Variants in ERI1 observed in about 807,000 individuals in gnomAD.
The protein encoded by ERI1 is 3'-5' exoribonuclease 1.
A neutral mutation model predicts 39.7 loss-of-function variants in ERI1; 39 were observed. That is an observed-to-expected ratio of 0.98 (90% CI 0.76 to 1.28). The LOEUF (loss-of-function observed/expected upper bound fraction) is 1.28. Ranked by LOEUF, ERI1 falls within the 50% of genes most tolerant of loss-of-function variation. ERI1 has a pLI of 0.00. For synonymous variants in ERI1, 204 were observed against 149.6 expected (o/e 1.36, Z -2.65); for missense variants, 581 against 416.9 (o/e 1.39, Z -3.43).
At chr8:9,004,485 C>CTTTTTTTTTTTTTTT (rs71201904) in intron 1 of ERI1, among the ~76,000 whole-genome samples, 24 of 78,304 alleles carry the variant, frequency 3.1e-4, no homozygotes, top group African/African-American at 1.1e-3. Flanking sequence ...TATAGTGATA[C>CTTTTTTTTTTTTTTT]TTTTTTTTTT....
chr8:9,026,477 A>G (rs1285688062), intron 6 of ERI1, among the ~76,000 whole-genome samples: 2 of 152,192 alleles, frequency 1.3e-5, no homozygotes, highest in Non-Finnish European at 2.9e-5. Flanking sequence ...GTGGAGGCGT[A>G]CAGTATTTGA....
chr8:9,006,561 T>A (rs1487857220), intron 1 of ERI1, among the ~76,000 whole-genome samples: 2 of 152,230 alleles, frequency 1.3e-5, no homozygotes, highest in Non-Finnish European at 2.9e-5. Context: ...AGTTTCAAAT[T>A]CAATGTAAAT....
chr8:9,037,976 T>A (rs1169468564), downstream of ERI1, among the ~76,000 whole-genome samples: 6 of 152,056 alleles, frequency 3.9e-5, no homozygotes, highest in Admixed American at 2.6e-4. Context: ...TGAGCACTGA[T>A]TTTTCAAACT....
intron 6 of ERI1, among the ~76,000 whole-genome samples, chr8:9,022,504 G>C (rs572489593): frequency 1.6e-4 from 24 of 152,082 alleles, no homozygotes; most frequent in Non-Finnish European, 2.8e-4. Flanking sequence ...GGTTCAAGCA[G>C]TTCTCCTGTC....
downstream of ERI1, among the ~76,000 whole-genome samples, chr8:9,037,415 C>G (rs888312235): frequency 2.0e-5 from 3 of 151,286 alleles, no homozygotes; most frequent in African/African-American, 7.3e-5. Flanking sequence ...GGCAACAACT[C>G]CCTCTATTTG....
intron 3 of ERI1, among the ~76,000 whole-genome samples, chr8:9,041,617 T>G (rs1366165811): frequency 1.3e-5 from 2 of 152,194 alleles, no homozygotes; most frequent in African/African-American, 4.8e-5. Flanking sequence ...AGAATGAGAT[T>G]TAAAACTTCC....
In ERI1 at chr8:9,020,226, T is replaced by C; in HGVS notation, c.693-124T>C. 6 of 508,976 alleles carry C rather than the reference T, an allele frequency of 1.2e-5. 1 individual carries two copies. In the South Asian group the frequency reaches 2.5e-4, roughly 21 times the overall value. The allele number at this position is 508,976 out of a possible 1,614,324, so 31.5% of individuals were successfully genotyped here. On this transcript the variant is annotated intron_variant, in intron 5 of 6. Transcript: ENST00000250263. ...TTTGTAGGAAGCAAGGTTAATTTTC[T>C]CAGCTTGATGTTACATTTGAATATG...
chr8:9,003,455 G>C (rs1482805382), intron 1 of ERI1, among the ~76,000 whole-genome samples: 1 of 152,196 alleles, frequency 6.6e-6, no homozygotes, highest in Non-Finnish European at 1.5e-5. Context: ...ACTTAATTCT[G>C]TGTTCACGGT....
At chr8:9,090,030 T>G (rs1241494146) in intron 3 of ERI1, among the ~76,000 whole-genome samples, 1 of 152,188 alleles carries the variant, frequency 6.6e-6, no homozygotes, top group East Asian at 1.9e-4. Flanking sequence ...TGCATTTTTT[T>G]GGATTGTCAT....
At chr8:9,067,356 T>G in intron 3 of ERI1, among the ~76,000 whole-genome samples, 1 of 150,426 alleles carries the variant, frequency 6.6e-6, no homozygotes, top group Admixed American at 6.7e-5. Flanking sequence ...AAGGTCATGA[T>G]GGGATTTCAT....
At chr8:9,025,673 C>G in intron 6 of ERI1, among the ~76,000 whole-genome samples, 1 of 150,864 alleles carries the variant, frequency 6.6e-6, no homozygotes, top group East Asian at 2.0e-4. Flanking sequence ...TGGGCACTCT[C>G]TAGGACTTTT....
intron 6 of ERI1, 114 bp from the exon 7 acceptor site, chr8:9,029,678 A>T: frequency 1.6e-6 from 2 of 1,289,188 alleles, no homozygotes; most frequent in East Asian, 2.4e-5. Context: ...CCCTTTGCCT[A>T]GCTTTATTTA....
At chr8:9,089,801 C>T (rs527514083) in intron 3 of ERI1, among the ~76,000 whole-genome samples, 4 of 152,226 alleles carry the variant, frequency 2.6e-5, no homozygotes, top group Non-Finnish European at 4.4e-5. Context: ...TGGCAGAGTC[C>T]GCTTAGCTTT....
intron 3 of ERI1, among the ~76,000 whole-genome samples, chr8:9,012,437 G>A (rs1021324522): frequency 1.3e-5 from 2 of 152,188 alleles, no homozygotes; most frequent in African/African-American, 2.4e-5. Flanking sequence ...AGTCACTTCT[G>A]TGATATCCTC....
chr8:9,090,264 AG>A (rs1480808016), intron 3 of ERI1, among the ~76,000 whole-genome samples: 1 of 151,186 alleles, frequency 6.6e-6, no homozygotes, highest in Non-Finnish European at 1.5e-5. Context: ...CCGACAGAGA[AG>A]GGGTGTGGTG....
At chr8:9,075,517 A>G (rs73662291) in intron 3 of ERI1, among the ~76,000 whole-genome samples, 4,214 of 144,772 alleles carry the variant, frequency 0.029, 167 homozygotes, top group South Asian at 0.1. Context: ...CTTTATTTTC[A>G]TTATGAACAC....
chr8:9,021,287 T>C (rs954428890), intron 6 of ERI1, among the ~76,000 whole-genome samples: 1 of 152,238 alleles, frequency 6.6e-6, no homozygotes, highest in Non-Finnish European at 1.5e-5. Context: ...TTTTTTCATC[T>C]GTTTTTCCCT....
At chr8:9,026,013 A>G (rs925433882) in intron 6 of ERI1, among the ~76,000 whole-genome samples, 31 of 152,138 alleles carry the variant, frequency 2.0e-4, no homozygotes, top group Admixed American at 1.2e-3. Context: ...ACTGATATGG[A>G]CAGTCTGGTT....
intron 3 of ERI1, among the ~76,000 whole-genome samples, chr8:9,078,748 A>C (rs1414135902): frequency 6.6e-6 from 1 of 152,216 alleles, no homozygotes; most frequent in African/African-American, 2.4e-5. Context: ...CTTTGTTACA[A>C]CAAAGCCTTC....
Sources: gnomAD v4.1 joint callset for allele counts (sites outside exome capture counted in the v4.1 genomes callset) on GRCh38, gnomAD v4.1.1 for gene constraint, MANE v1.5 for transcripts, NCBI Gene and HGNC (gene_info 2026-07-23, HGNC 2026-07-21) for gene names.